FRMD4A: variants seen among roughly 807,000 people sequenced by gnomAD.
The protein encoded by FRMD4A is FERM domain containing 4A.
FRMD4A carries 29 observed loss-of-function variants against 129.1 expected under a neutral mutation model. That is an observed-to-expected ratio of 0.22 (90% CI 0.17 to 0.31). FRMD4A has a LOEUF of 0.31. FRMD4A is among the 10% of genes least tolerant of loss of function. The pLI, the probability that FRMD4A is intolerant of heterozygous loss-of-function variation, is 1.00. For synonymous variants in FRMD4A, 634 were observed against 571.6 expected (o/e 1.11, Z -1.56); for missense variants, 1,272 against 1,375.8 (o/e 0.92, Z 1.19).
rs3814669 is a variant in FRMD4A, at chr10:13,718,121, A to G, written c.760-11008T>C. On this transcript the variant is annotated intron_variant, in intron 12 of 24. Coordinates refer to ENST00000357447, the MANE Select transcript of FRMD4A (RefSeq NM_018027.5). ...TCCTGCTGGGGAGGGGAGAGGTCCC[A>G]GCGCTGCTGTCTGGCAGACCTTGGT... Among the ~76,000 whole-genome samples, 1,733 of 152,106 alleles carry G rather than the reference A, an allele frequency of 0.011. 71 individuals are homozygous for G. The South Asian group carries it at 0.11, about 10-fold the overall frequency.
intron 2 of FRMD4A, among the ~76,000 whole-genome samples, chr10:13,875,522 G>T (rs912802126): frequency 6.6e-6 from 1 of 152,148 alleles, no homozygotes; most frequent in African/African-American, 2.4e-5. Flanking sequence ...TTACAGTTTT[G>T]TGTCGTACTC....
intron 2 of FRMD4A, among the ~76,000 whole-genome samples, chr10:14,018,455 C>CAAAAAAA (rs71388151): frequency 1.4e-4 from 8 of 59,256 alleles, no homozygotes; most frequent in African/African-American, 3.4e-4. Flanking sequence ...GACTCCATCT[C>CAAAAAAA]AAAAAAAAAA....
chr10:14,155,976 C>A (rs1840575517), intron 2 of FRMD4A, among the ~76,000 whole-genome samples: 1 of 152,064 alleles, frequency 6.6e-6, no homozygotes, highest in Non-Finnish European at 1.5e-5. Context: ...CTTTGGAGAG[C>A]AATATAGTAA....
intron 3 of FRMD4A, among the ~76,000 whole-genome samples, chr10:13,830,981 G>A (rs1050463430): frequency 6.6e-6 from 1 of 152,142 alleles, no homozygotes; most frequent in African/African-American, 2.4e-5. Context: ...GTAGAGACAG[G>A]GTTTTGCCAT....
At chr10:13,681,544 G>A (rs746475104) in intron 15 of FRMD4A, among the ~76,000 whole-genome samples, 2 of 151,586 alleles carry the variant, frequency 1.3e-5, no homozygotes, top group Non-Finnish European at 2.9e-5. Context: ...TTTGTGAAAG[G>A]CACATATATA....
intron 3 of FRMD4A, among the ~76,000 whole-genome samples, chr10:13,843,835 G>T (rs557740153): frequency 1.1e-4 from 17 of 152,280 alleles, no homozygotes; most frequent in South Asian, 8.3e-4. Context: ...GCAAGGAGGT[G>T]GTGCCTGGGC....
At chr10:13,917,924 G>A (rs938622302) in intron 2 of FRMD4A, among the ~76,000 whole-genome samples, 1 of 152,170 alleles carries the variant, frequency 6.6e-6, no homozygotes, top group African/African-American at 2.4e-5. Flanking sequence ...AAGAGCTGCA[G>A]GAAAGTTCAG....
chr10:13,785,575 G>T (rs958623873), intron 5 of FRMD4A, among the ~76,000 whole-genome samples: 1 of 151,718 alleles, frequency 6.6e-6, no homozygotes, highest in Non-Finnish European at 1.5e-5. Context: ...GATATGATTT[G>T]ATTTTCTTTT....
intron 2 of FRMD4A, among the ~76,000 whole-genome samples, chr10:13,895,690 C>T (rs2094749448): frequency 6.6e-6 from 1 of 152,160 alleles, no homozygotes; most frequent in Admixed American, 6.5e-5. Flanking sequence ...AACTAAAGAG[C>T]TTCTGCACAG....
At chr10:14,245,251 A>G (rs1319203817) in intron 2 of FRMD4A, among the ~76,000 whole-genome samples, 3 of 152,104 alleles carry the variant, frequency 2.0e-5, no homozygotes, top group East Asian at 3.9e-4. Context: ...ATGGGAGGAG[A>G]GCATAGGCAC....
chr10:13,686,263 G>A (rs2085072128), intron 15 of FRMD4A, among the ~76,000 whole-genome samples: 1 of 152,348 alleles, frequency 6.6e-6, no homozygotes, highest in South Asian at 2.1e-4. Flanking sequence ...GGAGAAGGAG[G>A]AAGGACAAAA....
At position 13,885,197 on chromosome 10, in the gene FRMD4A, A is replaced by T. The variant is rs569653035; in HGVS notation, c.46-26285T>A. On this transcript the variant is annotated intron_variant, in intron 2 of 24. Transcript: ENST00000357447. ...GCCAGGAATTCGAGACCAGCCTGGGAAACATAGCAAGATCCCATCTCTCCA... is the reference window on the plus strand; with the variant it reads ...GCCAGGAATTCGAGACCAGCCTGGGTAACATAGCAAGATCCCATCTCTCCA... Among the ~76,000 whole-genome samples the T allele has an allele frequency of 2.0e-5, 3 of 152,298 alleles. No individual in the cohort carries two copies. In the East Asian group the frequency reaches 5.8e-4, roughly 29 times the overall value.
chr10:13,909,041 C>T (rs1458986025), intron 2 of FRMD4A, among the ~76,000 whole-genome samples: 2 of 152,292 alleles, frequency 1.3e-5, no homozygotes, highest in Non-Finnish European at 2.9e-5. Context: ...TATTCTTTTT[C>T]ACTCTCTTAT....
At position 13,881,390 on chromosome 10, in the gene FRMD4A, T is replaced by C. The variant is rs2094545041; in HGVS notation, c.46-22478A>G. ...GTGAGCTATGATTGCACCACTGCAC[T>C]CCAATCTGAGTGACAGAGCAAGAAT... On this transcript the variant is annotated intron_variant, in intron 2 of 24. Transcript: ENST00000357447. Among the ~76,000 whole-genome samples, 4 of 151,922 alleles carry C rather than the reference T, an allele frequency of 2.6e-5. No individual in the cohort carries two copies. The South Asian group carries it at 8.3e-4, about 32-fold the overall frequency.
rs1187520093 is a variant in FRMD4A, at chr10:14,111,922, TGGAAGGAA to T, written c.45+218128_45+218135del. 3.1e-3 allele frequency among the ~76,000 whole-genome samples: 406 copies of T among 130,516 alleles called. 4 individuals carry two copies. Among genetic ancestry groups the T allele is most frequent in the African/African-American group, 8.6e-3 (293 of 34,020 alleles). 85.6% of individuals were successfully genotyped at this position (130,516 alleles called of 152,430 possible). The stretch of plus-strand genomic sequence containing the variant: ...ATCCATTGTAGATACTCCATGATTA[TGGAAGGAA>T]GGAAGGAAGGAAGGAAGGGAGGGAG... On this transcript the variant is annotated intron_variant, in intron 2 of 24. Transcript: ENST00000357447.
At chr10:13,772,069 A>G (rs1198853345) in intron 6 of FRMD4A, among the ~76,000 whole-genome samples, 2 of 150,582 alleles carry the variant, frequency 1.3e-5, no homozygotes, top group African/African-American at 4.9e-5. Flanking sequence ...GTGAGCTGAG[A>G]TCACGTCACC....
chr10:14,318,329 C>CCTT (rs1554808965), intron 2 of FRMD4A, among the ~76,000 whole-genome samples: 1 of 145,884 alleles, frequency 6.9e-6, no homozygotes, highest in African/African-American at 2.5e-5. Context: ...CCCCCCCCAC[C>CCTT]TTTTTTTTTT....
At chr10:13,905,934 C>T (rs1046655930) in intron 2 of FRMD4A, among the ~76,000 whole-genome samples, 1 of 152,156 alleles carries the variant, frequency 6.6e-6, no homozygotes, top group Non-Finnish European at 1.5e-5. Flanking sequence ...GTTTAAGCGC[C>T]AAAAATCATG....
chr10:13,789,622 T>G (rs913093360), intron 5 of FRMD4A, among the ~76,000 whole-genome samples: 1 of 150,698 alleles, frequency 6.6e-6, no homozygotes. Flanking sequence ...GTGTATATTT[T>G]CCTTATATTT....
Sources: allele counts gnomAD v4.1 joint callset (sites outside exome capture counted in the v4.1 genomes callset), GRCh38; gene constraint gnomAD v4.1.1; transcripts MANE v1.5; gene names NCBI Gene and HGNC (gene_info 2026-07-23, HGNC 2026-07-21).